NFATC2: variants seen among roughly 807,000 people sequenced by gnomAD.
NFATC2 encodes the protein nuclear factor of activated T-cells, cytoplasmic 2.
A neutral mutation model predicts 87.3 loss-of-function variants in NFATC2; 22 were observed. That is an observed-to-expected ratio of 0.25 (90% CI 0.18 to 0.36). The LOEUF is 0.36. Among genes scored for constraint, NFATC2 ranks in the 10% least tolerant of loss-of-function variants. The pLI, the probability that NFATC2 is intolerant of heterozygous loss-of-function variation, is 1.00. For missense variants in NFATC2, 1,149 were observed against 1,259.1 expected, an observed-to-expected ratio of 0.91 and a Z score of 1.32; for synonymous variants, 565 against 542.2, an observed-to-expected ratio of 1.04 and a Z score of -0.58.
chr20:51,444,310 T>G (rs1984764936), intron 6 of NFATC2, among the ~76,000 whole-genome samples: 1 of 151,778 alleles, frequency 6.6e-6, no homozygotes, highest in African/African-American at 2.4e-5. Context: ...TTATCTTCAC[T>G]GCAGAGTCAA....
At chr20:51,507,341 CAACTCTCAG>C (rs925277210) in intron 3 of NFATC2, among the ~76,000 whole-genome samples, 1 of 152,052 alleles carries the variant, frequency 6.6e-6, no homozygotes, top group Non-Finnish European at 1.5e-5. Context: ...TGTAAATAAA[CAACTCTCAG>C]AACTCTCAGA....
chr20:51,558,060 G>A (rs2076993045), intron 1 of NFATC2, among the ~76,000 whole-genome samples: 1 of 152,168 alleles, frequency 6.6e-6, no homozygotes, highest in African/African-American at 2.4e-5. Context: ...TAGGAACCTG[G>A]CCGGCCATGG....
chr20:51,416,857 G>A (rs903181203), intron 9 of NFATC2, among the ~76,000 whole-genome samples: 1 of 152,152 alleles, frequency 6.6e-6, no homozygotes, highest in Non-Finnish European at 1.5e-5. Flanking sequence ...GGGGGCCAGA[G>A]GGACAGTAGG....
intron 1 of NFATC2, among the ~76,000 whole-genome samples, chr20:51,550,795 T>C (rs898158843): frequency 5.9e-5 from 9 of 152,180 alleles, no homozygotes; most frequent in Non-Finnish European, 1.0e-4. Flanking sequence ...TATTGAATAC[T>C]ATACCAAAAG....
chr20:51,542,599 G>T lies in NFATC2; in HGVS notation c.-100C>A. Reference sequence around the variant, plus strand: ...GGCTGGCGGAGGCGGCTCGAGCGGCGGGGTCCCTTTCCTCGTAGGGACGCA... The same window carrying T: ...GGCTGGCGGAGGCGGCTCGAGCGGCTGGGTCCCTTTCCTCGTAGGGACGCA... On this transcript the variant is annotated 5_prime_UTR_variant, in exon 1 of 11. Coordinates refer to ENST00000371564, the MANE Select transcript of NFATC2 (RefSeq NM_012340.5). 1 of 1,238,140 alleles carries T rather than the reference G, an allele frequency of 8.1e-7. No homozygotes were observed. Among genetic ancestry groups the T allele is most frequent in the Non-Finnish European group, 1.0e-6 (1 of 986,594 alleles). The allele number at this position is 1,238,140 out of a possible 1,614,324, so 76.7% of individuals were successfully genotyped here. A position where few individuals can be genotyped will look rare whatever the true frequency, so the allele number is the denominator to read the frequency against.
intron 9 of NFATC2, among the ~76,000 whole-genome samples, chr20:51,409,115 A>G (rs6021187): frequency 0.84 from 127,343 of 152,256 alleles, 53,804 homozygotes; most frequent in East Asian, 0.95. Flanking sequence ...AATGAATTAC[A>G]TATGTGTTGC....
rs1986010635 is a variant in NFATC2, at chr20:51,388,561, TTATAAA to T, written c.*2929_*2934del. 6.6e-6 allele frequency: 1 copy of T among 152,144 alleles called. No individual in the cohort carries two copies. The allele number at this position is 152,144 out of a possible 1,614,324, so 9.4% of individuals were successfully genotyped here. On this transcript the variant is annotated 3_prime_UTR_variant, in exon 11 of 11. Transcript: ENST00000371564. ...GACACTTAAAAAGATTTCTGACCAT[TTATAAA>T]TATAAATCTAATTCCAACAGGGGTG...
chr20:51,426,688 A>C (rs191116612), intron 9 of NFATC2, among the ~76,000 whole-genome samples: 2 of 152,272 alleles, frequency 1.3e-5, no homozygotes, highest in Non-Finnish European at 2.9e-5. Context: ...GACACAAAAG[A>C]GTCATGAAAT....
At chr20:51,460,719 C>A (rs953209401) in intron 5 of NFATC2, among the ~76,000 whole-genome samples, 2 of 151,816 alleles carry the variant, frequency 1.3e-5, no homozygotes, top group African/African-American at 4.8e-5. Flanking sequence ...GCGATCCGCA[C>A]GCCTCGCCCT....
intron 3 of NFATC2, among the ~76,000 whole-genome samples, chr20:51,512,806 T>G (rs1330671768): frequency 1.3e-5 from 2 of 151,972 alleles, no homozygotes; most frequent in Non-Finnish European, 2.9e-5. Flanking sequence ...GAGGCTGTGG[T>G]TCAGAAATAG....
chr20:51,540,667 T>TTTTTGTTTGTTTG (rs1555818372), intron 1 of NFATC2, among the ~76,000 whole-genome samples: 22 of 147,232 alleles, frequency 1.5e-4, no homozygotes, highest in Non-Finnish European at 2.7e-4. Flanking sequence ...TGTTTTTTTT[T>TTTTTGTTTGTTTG]TTTTGAGAAA....
chr20:51,498,613 C>A (rs1439727061), intron 3 of NFATC2, among the ~76,000 whole-genome samples: 3 of 151,926 alleles, frequency 2.0e-5, no homozygotes, highest in Non-Finnish European at 4.4e-5. Context: ...ATGGCGAAAC[C>A]CCATCCTTAC....
At chr20:51,554,636 T>G (rs897800280) in intron 1 of NFATC2, among the ~76,000 whole-genome samples, 3 of 152,190 alleles carry the variant, frequency 2.0e-5, no homozygotes, top group Non-Finnish European at 4.4e-5. Context: ...GTGTAAGAAT[T>G]ACTAATAGCC....
Position 51,441,878 on chromosome 20 carries a change from C to T in NFATC2, c.1850-6117G>A, listed in dbSNP as rs148073017. Among the ~76,000 whole-genome samples, 420 of 152,242 alleles carry T rather than the reference C, an allele frequency of 2.8e-3. 2 individuals carry two copies. The highest frequency in any genetic ancestry group is 4.3e-3 in the Admixed American group (66 of 15,278). ...TTAGAATTTGGAGTCTTGCATTGTT[C>T]TGATTCCAGTAAAAAAGAATTGAAG... On this transcript the variant is annotated intron_variant, in intron 6 of 10. Transcript: ENST00000371564.
At position 51,432,850 on chromosome 20, in the gene NFATC2, G is replaced by C; in HGVS notation, c.2033-94C>G. On this transcript the variant is annotated intron_variant, in intron 8 of 10. Coordinates refer to ENST00000371564, the MANE Select transcript of NFATC2 (RefSeq NM_012340.5). The surrounding 1 kb of genome is among the most constrained non-coding windows in gnomAD (Gnocchi z 4.6). The stretch of plus-strand genomic sequence containing the variant: ...GGATGGTGCTTGAGAACATGGCCTT[G>C]GGAGTCCATACGGGTGGGACAAACA... 8.7e-7 allele frequency: 1 copy of C among 1,151,126 alleles called. No individual in the cohort carries two copies. Among genetic ancestry groups the C allele is most frequent in the Non-Finnish European group, 1.2e-6 (1 of 853,676 alleles). 71.3% of individuals were successfully genotyped at this position (1,151,126 alleles called of 1,614,324 possible). A position where few individuals can be genotyped will look rare whatever the true frequency, so the allele number is the denominator to read the frequency against.
chr20:51,428,597 G>A (rs973896718), intron 9 of NFATC2, among the ~76,000 whole-genome samples: 2 of 152,180 alleles, frequency 1.3e-5, no homozygotes, highest in African/African-American at 2.4e-5. Flanking sequence ...GCCCAGACGC[G>A]ACGCTGGGAT....
intron 9 of NFATC2, among the ~76,000 whole-genome samples, chr20:51,403,554 C>T (rs905610959): frequency 1.3e-5 from 2 of 152,200 alleles, no homozygotes; most frequent in African/African-American, 4.8e-5. Context: ...TATATTGAAG[C>T]CCTAAACCAC....
intron 3 of NFATC2, among the ~76,000 whole-genome samples, chr20:51,492,156 G>A (rs1380227755): frequency 6.6e-6 from 1 of 152,012 alleles, no homozygotes; most frequent in African/African-American, 2.4e-5. Context: ...GCCCCAGCAG[G>A]AGGGAGAGCC....
intron 9 of NFATC2, among the ~76,000 whole-genome samples, chr20:51,405,808 G>T (rs1191979309): frequency 6.6e-6 from 1 of 152,190 alleles, no homozygotes; most frequent in East Asian, 1.9e-4. Context: ...GACTTGCCCA[G>T]AATTTTTCCG....
Sources: gnomAD v4.1 joint callset for allele counts (sites outside exome capture counted in the v4.1 genomes callset) on GRCh38, gnomAD v4.1.1 for gene constraint, Gnocchi (gnomAD v3.1) non-coding constraint, MANE v1.5 for transcripts, NCBI Gene and HGNC (gene_info 2026-07-23, HGNC 2026-07-21) for gene names.